Variants in RAD51B observed in about 807,000 individuals in gnomAD.
RAD51B encodes RAD51 paralog B, also known as DNA repair protein RAD51 homolog 2.
Under a neutral mutation model 42.2 loss-of-function variants are expected in RAD51B, and 38 were observed. That is an observed-to-expected ratio of 0.90 (90% CI 0.70 to 1.18). The LOEUF is 1.18. Among genes scored for constraint, RAD51B ranks in the 50% most tolerant of loss-of-function variants. The pLI, the probability that RAD51B is intolerant of heterozygous loss-of-function variation, is 0.00. For missense variants in RAD51B, 373 were observed against 400.7 expected (o/e 0.93, Z 0.59); for synonymous variants, 154 against 145.2 (o/e 1.06, Z -0.43).
chr14:68,388,434 A>G (rs545906936), intron 8 of RAD51B, among the ~76,000 whole-genome samples: 42 of 152,262 alleles, frequency 2.8e-4, no homozygotes, highest in African/African-American at 9.6e-4. Flanking sequence ...TTTCCTAAAC[A>G]TCTACAGCAA....
At chr14:68,368,227 CT>C (rs1351429945) in intron 8 of RAD51B, among the ~76,000 whole-genome samples, 1 of 152,106 alleles carries the variant, frequency 6.6e-6, no homozygotes, top group East Asian at 1.9e-4. Context: ...AACAGAAACC[CT>C]GTGAGGCAGG....
intron 9 of RAD51B, among the ~76,000 whole-genome samples, chr14:68,444,388 G>T (rs144025053): frequency 4.6e-5 from 7 of 152,224 alleles, no homozygotes; most frequent in African/African-American, 1.7e-4. Flanking sequence ...ACTGGATTAG[G>T]GGGCATTGTT....
At chr14:68,638,592 G>A (rs1892389186) in intron 10 of RAD51B, among the ~76,000 whole-genome samples, 1 of 152,190 alleles carries the variant, frequency 6.6e-6, no homozygotes, top group African/African-American at 2.4e-5. Flanking sequence ...GGGTGATGGG[G>A]GAGGGGAGCT....
intron 8 of RAD51B, among the ~76,000 whole-genome samples, chr14:68,379,342 A>G (rs756356383): frequency 6.6e-5 from 10 of 152,192 alleles, no homozygotes; most frequent in Admixed American, 1.3e-4. Flanking sequence ...TCAGATTCCA[A>G]GTCAATAGGA....
intron 10 of RAD51B, among the ~76,000 whole-genome samples, chr14:68,636,536 T>C (rs111303925): frequency 0.012 from 1,649 of 142,746 alleles, 34 homozygotes; most frequent in African/African-American, 0.041. Context: ...TGAGCGGAGA[T>C]TGTGCCACTG....
At chr14:68,424,832 T>C (rs1010195198) in intron 9 of RAD51B, among the ~76,000 whole-genome samples, 5 of 152,178 alleles carry the variant, frequency 3.3e-5, no homozygotes, top group Admixed American at 3.3e-4. Flanking sequence ...TGGAATACAG[T>C]GGCATGATCA....
intron 7 of RAD51B, among the ~76,000 whole-genome samples, chr14:68,158,099 C>G (rs559107313): frequency 2.0e-5 from 3 of 152,352 alleles, no homozygotes; most frequent in African/African-American, 7.2e-5. Context: ...ACTATTCTCA[C>G]CACACCCTTC....
At chr14:68,314,142 T>C (rs2082012902) in intron 8 of RAD51B, among the ~76,000 whole-genome samples, 1 of 152,204 alleles carries the variant, frequency 6.6e-6, no homozygotes, top group Admixed American at 6.5e-5. Flanking sequence ...CAGAGAAGCA[T>C]CTGGAAAGAT....
In RAD51B at chr14:68,439,195, C is replaced by T. The variant is rs555758839; in HGVS notation, c.957+27668C>T. On this transcript the variant is annotated intron_variant, in intron 9 of 10. Transcript: ENST00000471583. The stretch of plus-strand genomic sequence containing the variant: ...ACACACACACACACACACTCTCTCA[C>T]ACACACATTCCTCTGCCTTGCTTCC... 3.9e-5 allele frequency among the ~76,000 whole-genome samples: 6 copies of T among 152,126 alleles called. No individual in the cohort carries two copies. The East Asian group carries it at 9.6e-4, about 24-fold the overall frequency.
At chr14:68,291,324 G>A (rs1199932827) in intron 7 of RAD51B, among the ~76,000 whole-genome samples, 1 of 151,752 alleles carries the variant, frequency 6.6e-6, no homozygotes, top group African/African-American at 2.4e-5. Context: ...TCAGCCTCCC[G>A]AGTAGAGTAG....
intron 10 of RAD51B, among the ~76,000 whole-genome samples, chr14:68,518,911 A>G (rs1011612939): frequency 6.6e-6 from 1 of 152,226 alleles, no homozygotes; most frequent in Non-Finnish European, 1.5e-5. Context: ...GGGATGTGAC[A>G]TTCTGGACCA....
At chr14:68,547,028 T>G (rs773088481) in intron 10 of RAD51B, among the ~76,000 whole-genome samples, 15 of 152,192 alleles carry the variant, frequency 9.9e-5, no homozygotes, top group Non-Finnish European at 1.9e-4. Flanking sequence ...GTTCTCAGCT[T>G]GGAAACATTT....
chr14:68,094,354 C>T (rs920240692), intron 7 of RAD51B, among the ~76,000 whole-genome samples: 2 of 152,160 alleles, frequency 1.3e-5, no homozygotes, highest in Non-Finnish European at 2.9e-5. Flanking sequence ...TGAGGTAGCA[C>T]ATTCACACTC....
chr14:68,594,143 C>T (rs369135319), intron 10 of RAD51B, among the ~76,000 whole-genome samples: 14 of 151,258 alleles, frequency 9.3e-5, no homozygotes, highest in African/African-American at 2.9e-4. Context: ...CACCCCCACA[C>T]GCCTTTGAGA....
intron 7 of RAD51B, among the ~76,000 whole-genome samples, chr14:68,272,663 ATATTTTTTTTTTTTTTTTTTTTTT>A (rs2081139858): frequency 1.2e-4 from 2 of 17,118 alleles, no homozygotes; most frequent in African/African-American, 5.3e-4. Context: ...ATATATATAT[ATATTTTTTTTTTTTTTTTTTTTTT>A]TTTTTTTTTT....
At chr14:68,486,784 A>G (rs1454161185) in intron 10 of RAD51B, among the ~76,000 whole-genome samples, 1 of 152,174 alleles carries the variant, frequency 6.6e-6, no homozygotes, top group Non-Finnish European at 1.5e-5. Flanking sequence ...CCTCAACTCC[A>G]AAGTCTGTAA....
At chr14:68,605,443 C>T (rs559755694) in intron 10 of RAD51B, among the ~76,000 whole-genome samples, 1 of 152,372 alleles carries the variant, frequency 6.6e-6, no homozygotes, top group East Asian at 1.9e-4. Context: ...GTCCCTGCTA[C>T]TGTGTCTTGT....
At chr14:68,441,628 C>T (rs1378475112) in intron 9 of RAD51B, among the ~76,000 whole-genome samples, 2 of 151,090 alleles carry the variant, frequency 1.3e-5, no homozygotes, top group Non-Finnish European at 2.9e-5. Flanking sequence ...TATGTGGGTA[C>T]CTGGAAAAAT....
chr14:68,654,964 G>T (rs908219703), intron 11 of RAD51B, among the ~76,000 whole-genome samples: 1 of 152,106 alleles, frequency 6.6e-6, no homozygotes, highest in Non-Finnish European at 1.5e-5. Context: ...TCCCAGGTAA[G>T]TTAGAGTGAA....
Sources: gnomAD v4.1 joint callset for allele counts (sites outside exome capture counted in the v4.1 genomes callset) on GRCh38, gnomAD v4.1.1 for gene constraint, MANE v1.5 for transcripts, NCBI Gene and HGNC (gene_info 2026-07-23, HGNC 2026-07-21) for gene names.